The following FMNL2 variants were observed in gnomAD, a reference collection of about 807,000 sequenced individuals.
FMNL2 encodes the protein formin like 2.
A neutral mutation model predicts 130.2 loss-of-function variants in FMNL2; 51 were observed. The observed-to-expected ratio is 0.39, with a 90% CI of 0.31 to 0.49. The LOEUF is 0.49. Ranked by LOEUF, FMNL2 falls within the 20% of genes least tolerant of loss-of-function variation. The pLI is 0.85. For synonymous variants in FMNL2, 465 were observed against 467.1 expected, an observed-to-expected ratio of 1.00 and a Z score of 0.06; for missense variants, 977 against 1,316.2, an observed-to-expected ratio of 0.74 and a Z score of 3.99.
chr2:152,491,345 C>T (rs952005339), intron 1 of FMNL2, among the ~76,000 whole-genome samples: 67 of 152,040 alleles, frequency 4.4e-4, no homozygotes, highest in African/African-American at 1.4e-3. Context: ...TGAGTGGAAG[C>T]TCTGGGGTTG....
intron 1 of FMNL2, among the ~76,000 whole-genome samples, chr2:152,352,829 G>T (rs1439464615): frequency 1.5e-5 from 2 of 136,764 alleles, no homozygotes; most frequent in Non-Finnish European, 3.2e-5. Flanking sequence ...TGGCTGTGTT[G>T]TTACAGCTTG....
chr2:152,445,277 G>T (rs977756039), intron 1 of FMNL2, among the ~76,000 whole-genome samples: 2 of 152,208 alleles, frequency 1.3e-5, no homozygotes, highest in African/African-American at 4.8e-5. Context: ...ACTGAGTCAT[G>T]CAGTGGACAC....
intron 1 of FMNL2, among the ~76,000 whole-genome samples, chr2:152,341,810 A>G (rs761656034): frequency 6.6e-6 from 1 of 152,218 alleles, no homozygotes; most frequent in Non-Finnish European, 1.5e-5. Flanking sequence ...CAGTGACTGA[A>G]AGTCATATGA....
chr2:152,633,635 C>T (rs563404273), intron 21 of FMNL2, among the ~76,000 whole-genome samples: 32 of 152,294 alleles, frequency 2.1e-4, no homozygotes, highest in African/African-American at 6.3e-4. Flanking sequence ...AGAGCAAGTT[C>T]GGGGCTCACT....
In FMNL2 at chr2:152,643,047, G is replaced by A. The variant is rs935970230; in HGVS notation, c.3169+2133G>A. Among the ~76,000 whole-genome samples the A allele has an allele frequency of 7.9e-5, 12 of 152,092 alleles. 1 individual carries two copies. The South Asian group carries it at 1.2e-3, about 16-fold the overall frequency. Reference sequence around the variant, plus strand: ...ACAAAACAAACAAAAACCAAAGAACGTGGAGTTCCTTTTTCATTAGTATGT... The same window carrying A: ...ACAAAACAAACAAAAACCAAAGAACATGGAGTTCCTTTTTCATTAGTATGT... On this transcript the variant is annotated intron_variant, in intron 25 of 25. Coordinates refer to ENST00000288670, the MANE Select transcript of FMNL2 (RefSeq NM_052905.4).
At chr2:152,577,414 T>C (rs1283301022) in intron 7 of FMNL2, among the ~76,000 whole-genome samples, 1 of 152,166 alleles carries the variant, frequency 6.6e-6, no homozygotes, top group East Asian at 1.9e-4. Context: ...AGGTGCATGG[T>C]TGGATATGCC....
At chr2:152,550,109 C>T (rs1226913996) in intron 4 of FMNL2, among the ~76,000 whole-genome samples, 2 of 152,100 alleles carry the variant, frequency 1.3e-5, no homozygotes, top group African/African-American at 4.8e-5. Context: ...CTTTTCCCCC[C>T]CTCATCAATG....
intron 1 of FMNL2, among the ~76,000 whole-genome samples, chr2:152,433,337 G>GTGC (rs1558859878): frequency 1.1e-4 from 17 of 152,154 alleles, no homozygotes. Context: ...CAGAAATGAT[G>GTGC]TGCTCTTGTT....
intron 1 of FMNL2, among the ~76,000 whole-genome samples, chr2:152,453,587 G>T (rs916626452): frequency 1.3e-5 from 2 of 152,194 alleles, no homozygotes; most frequent in African/African-American, 4.8e-5. Flanking sequence ...GAAACAAAAG[G>T]AGTTCAGATT....
rs1401597970 is a variant in FMNL2 at position 152,648,451 on chromosome 2, C to G, written c.*546C>G. The G allele has an allele frequency of 6.5e-6, 1 of 153,840 alleles. No individual in the cohort carries two copies. The highest frequency in any genetic ancestry group is 1.4e-5 in the Non-Finnish European group (1 of 69,018). The allele number at this position is 153,840 out of a possible 1,614,324, so 9.5% of individuals were successfully genotyped here. A position where few individuals can be genotyped will look rare whatever the true frequency, so the allele number is the denominator to read the frequency against. On this transcript the variant is annotated 3_prime_UTR_variant, in exon 26 of 26. Coordinates refer to ENST00000288670, the MANE Select transcript of FMNL2 (RefSeq NM_052905.4). ...CAACTGCAGTGGCACAAAGGTCACTCAATCCTTTGTTTCCAGTTTCACATT... is the reference window on the plus strand; with the variant it reads ...CAACTGCAGTGGCACAAAGGTCACTGAATCCTTTGTTTCCAGTTTCACATT...
intron 1 of FMNL2, among the ~76,000 whole-genome samples, chr2:152,371,099 T>A (rs1435402235): frequency 1.3e-5 from 2 of 152,222 alleles, no homozygotes; most frequent in African/African-American, 2.4e-5. Context: ...GCATGGCATC[T>A]GGGAGCAATC....
At chr2:152,603,279 G>A (rs771669737) in intron 9 of FMNL2, among the ~76,000 whole-genome samples, 3 of 152,034 alleles carry the variant, frequency 2.0e-5, no homozygotes, top group Non-Finnish European at 4.4e-5. Flanking sequence ...ATGGAGAGTG[G>A]TCACTCTGTT....
intron 1 of FMNL2, among the ~76,000 whole-genome samples, chr2:152,475,893 A>G (rs904418071): frequency 6.6e-6 from 1 of 152,230 alleles, no homozygotes; most frequent in African/African-American, 2.4e-5. Flanking sequence ...TCTACAGTGT[A>G]TACATAGATC....
intron 1 of FMNL2, among the ~76,000 whole-genome samples, chr2:152,504,619 A>G (rs1333602269): frequency 6.6e-6 from 1 of 152,096 alleles, no homozygotes; most frequent in Non-Finnish European, 1.5e-5. Flanking sequence ...GTTTTAATAT[A>G]TTCATGCTCA....
chr2:152,345,496 G>A (rs1161897544), intron 1 of FMNL2, among the ~76,000 whole-genome samples: 3 of 152,176 alleles, frequency 2.0e-5, no homozygotes, highest in Non-Finnish European at 2.9e-5. Context: ...TGTCTTATTT[G>A]TGAAAGCTAG....
intron 1 of FMNL2, among the ~76,000 whole-genome samples, chr2:152,517,341 C>G (rs1044761420): frequency 2.0e-5 from 3 of 152,120 alleles, no homozygotes; most frequent in Non-Finnish European, 4.4e-5. Flanking sequence ...ATTTTGTTTG[C>G]TCTTCAGTAT....
At chr2:152,491,697 T>C (rs1189588493) in intron 1 of FMNL2, among the ~76,000 whole-genome samples, 1 of 152,226 alleles carries the variant, frequency 6.6e-6, no homozygotes, top group Admixed American at 6.5e-5. Flanking sequence ...ATGCCTTTAA[T>C]CCCAGCATTT....
intron 1 of FMNL2, among the ~76,000 whole-genome samples, chr2:152,432,214 C>CTT (rs796375417): frequency 6.9e-6 from 1 of 145,052 alleles, no homozygotes; most frequent in African/African-American, 2.5e-5. Context: ...GGTTGCATTT[C>CTT]TTTTTTTTTT....
At chr2:152,508,197 A>C (rs1453837599) in intron 1 of FMNL2, among the ~76,000 whole-genome samples, 1 of 152,182 alleles carries the variant, frequency 6.6e-6, no homozygotes, top group Non-Finnish European at 1.5e-5. Flanking sequence ...GGGATGGAAC[A>C]CTGCAGCAAC....
Sources: allele counts gnomAD v4.1 joint callset (sites outside exome capture counted in the v4.1 genomes callset), GRCh38; gene constraint gnomAD v4.1.1; transcripts MANE v1.5; gene names NCBI Gene and HGNC (gene_info 2026-07-23, HGNC 2026-07-21).